TENM4: variants seen among roughly 807,000 people sequenced by gnomAD.
The protein encoded by TENM4 is teneurin-4.
Under a neutral mutation model 243.3 loss-of-function variants are expected in TENM4, and 82 were observed. The ratio of observed to expected loss-of-function variants is 0.34; its 90% CI spans 0.28 to 0.40. The LOEUF (loss-of-function observed/expected upper bound fraction) is 0.40. Ranked by LOEUF, TENM4 falls within the 10% of genes least tolerant of loss-of-function variation. TENM4 has a pLI of 1.00. For synonymous variants in TENM4, 1,412 were observed against 1,456.3 expected (o/e 0.97, Z 0.69); for missense variants, 3,138 against 3,673.3 (o/e 0.85, Z 3.77).
chr11:79,015,075 G>T (rs1056350333), intron 6 of TENM4, among the ~76,000 whole-genome samples: 4 of 152,160 alleles, frequency 2.6e-5, no homozygotes, highest in South Asian at 2.1e-4. Context: ...ATCTCATTAG[G>T]CCATTGGGAA....
chr11:78,729,824 A>C (rs1590974139), intron 21 of TENM4, among the ~76,000 whole-genome samples, 181 bp from the exon 22 acceptor site: 1 of 152,126 alleles, frequency 6.6e-6, no homozygotes, highest in African/African-American at 2.4e-5. Context: ...GAAGAGAAGC[A>C]GGAGGAGGAG....
Position 78,702,330 on chromosome 11 carries a change from A to T in TENM4, c.4283T>A (p.Val1428Glu). 6 of 1,614,058 alleles carry T rather than the reference A, an allele frequency of 3.7e-6. No individual in the cohort carries two copies. Among genetic ancestry groups the T allele is most frequent in the Non-Finnish European group, 5.1e-6 (6 of 1,179,908 alleles). The change falls in exon 28 of 34, where the codon GTG (valine) becomes GAG (glutamate). Residue 1428 changes from valine to glutamate, a missense_variant. Around this residue, in one of 2 missense-constraint regions of TENM4, gnomAD observed 2,467 missense variants for 3,059.1 expected, o/e 0.81. Transcript: ENST00000278550. ...GTGGTTTTCAGAGATTTGCAGGACC[A>T]CATTGTTGTCGAGGACATAAAGTGA... The part of the protein sequence containing the change: ...DNSLYVLDNN[V>E]VLQISENHQV...
intron 4 of TENM4, among the ~76,000 whole-genome samples, chr11:79,116,103 T>C (rs931876558): frequency 6.6e-6 from 1 of 152,184 alleles, no homozygotes; most frequent in African/African-American, 2.4e-5. Context: ...AACAATATAT[T>C]AATTGACACT....
chr11:78,805,509 G>T lies in TENM4; in HGVS notation c.1979-17C>A. 1 of 1,559,962 alleles carries T rather than the reference G, an allele frequency of 6.4e-7. No homozygotes were observed. Among genetic ancestry groups the T allele is most frequent in the South Asian group, 1.2e-5 (1 of 84,746 alleles). ...TGCAGTCCACTGTGAGATGGAGGAA[G>T]GAGAACATAGGTAAGCATCTGACCA... On this transcript the variant is annotated splice_polypyrimidine_tract_variant and intron_variant, in intron 14 of 33. Transcript: ENST00000278550.
intron 6 of TENM4, among the ~76,000 whole-genome samples, chr11:78,977,829 T>G (rs1857698783): frequency 6.6e-6 from 1 of 152,164 alleles, no homozygotes; most frequent in Non-Finnish European, 1.5e-5. Flanking sequence ...AGAAATACCA[T>G]TTGACCCAAC....
chr11:79,331,850 T>G (rs1027285664), intron 1 of TENM4, among the ~76,000 whole-genome samples: 5 of 152,224 alleles, frequency 3.3e-5, no homozygotes, highest in Admixed American at 6.5e-5. Flanking sequence ...TGCTTTGCCA[T>G]GTAATGGCTC....
intron 6 of TENM4, among the ~76,000 whole-genome samples, chr11:78,941,886 C>G (rs1856903943): frequency 6.6e-6 from 1 of 152,078 alleles, no homozygotes; most frequent in South Asian, 2.1e-4. Context: ...GTGCCAGGCA[C>G]TTTTGTACAC....
At chr11:78,664,380 C>T (rs1401110137) in intron 32 of TENM4, among the ~76,000 whole-genome samples, 4 of 152,026 alleles carry the variant, frequency 2.6e-5, no homozygotes, top group African/African-American at 7.3e-5. Context: ...GGACCACAGG[C>T]GTGCCATCAT....
intron 27 of TENM4, among the ~76,000 whole-genome samples, chr11:78,702,801 C>T (rs923277379): frequency 6.6e-6 from 1 of 152,180 alleles, no homozygotes; most frequent in Non-Finnish European, 1.5e-5. Flanking sequence ...CACAGAGTCC[C>T]TGACCCACCA....
chr11:78,901,169 AATATATATG>A lies in TENM4; in HGVS notation c.749+2090_749+2098del, dbSNP rs1565430928. Among the ~76,000 whole-genome samples, 5 of 152,226 alleles carry A rather than the reference AATATATATG, an allele frequency of 3.3e-5. No individual in the cohort carries two copies. In the South Asian group the frequency reaches 1.0e-3, roughly 32 times the overall value. ...ATGCATATACATACACTGAATATTA[AATATATATG>A]ATATATATCACAAATAATGTTATAT... On this transcript the variant is annotated intron_variant, in intron 7 of 33. Transcript: ENST00000278550.
intron 9 of TENM4, among the ~76,000 whole-genome samples, chr11:78,880,237 A>T (rs928929302): frequency 1.6e-4 from 24 of 152,194 alleles, no homozygotes; most frequent in African/African-American, 4.8e-4. Context: ...TGCTTTGTTA[A>T]ACAGATGCTT....
At chr11:78,963,468 C>T (rs1857374211) in intron 6 of TENM4, among the ~76,000 whole-genome samples, 1 of 152,200 alleles carries the variant, frequency 6.6e-6, no homozygotes, top group South Asian at 2.1e-4. Context: ...GCAAGGGCTG[C>T]TCATTTTCTC....
rs1374914035 is a variant in TENM4, at chr11:78,657,972, A to C, written c.*86T>G. ...CTTTTTGTTTCTGCACTTGTTAAAAAATCATTTTTTTAAAAGTACAACACA... is the reference window on the plus strand; with the variant it reads ...CTTTTTGTTTCTGCACTTGTTAAAACATCATTTTTTTAAAAGTACAACACA... On this transcript the variant is annotated 3_prime_UTR_variant, in exon 34 of 34. Coordinates refer to ENST00000278550, the MANE Select transcript of TENM4 (RefSeq NM_001098816.3). 1 of 1,598,592 alleles carries C rather than the reference A, an allele frequency of 6.3e-7. No individual in the cohort carries two copies. The highest frequency in any genetic ancestry group is 8.6e-7 in the Non-Finnish European group (1 of 1,167,526).
chr11:79,011,348 G>T (rs1388641487), intron 6 of TENM4, among the ~76,000 whole-genome samples: 1 of 152,162 alleles, frequency 6.6e-6, no homozygotes, highest in Non-Finnish European at 1.5e-5. Flanking sequence ...TGTCCTTTCA[G>T]GTATCTGCAT....
chr11:78,683,666 C>T (rs1035093482), intron 29 of TENM4, among the ~76,000 whole-genome samples: 4 of 144,210 alleles, frequency 2.8e-5, no homozygotes, highest in African/African-American at 2.6e-5. Context: ...CACTGGCCTG[C>T]GCCCACTGTC....
At chr11:79,399,058 T>C (rs774116475) in intron 1 of TENM4, among the ~76,000 whole-genome samples, 1 of 152,184 alleles carries the variant, frequency 6.6e-6, no homozygotes. Flanking sequence ...GAACAGGATT[T>C]ATTCAGCAGG....
chr11:79,342,995 G>A (rs1857266323), intron 1 of TENM4, among the ~76,000 whole-genome samples: 1 of 152,236 alleles, frequency 6.6e-6, no homozygotes, highest in African/African-American at 2.4e-5. Context: ...TTCTGTGGTG[G>A]CTGGACTGAC....
At chr11:79,392,710 A>C (rs1858261226) in intron 1 of TENM4, among the ~76,000 whole-genome samples, 1 of 152,218 alleles carries the variant, frequency 6.6e-6, no homozygotes. Flanking sequence ...ACTCTGGGCA[A>C]GCTACAGAGC....
intron 21 of TENM4, among the ~76,000 whole-genome samples, chr11:78,731,420 C>T (rs1029096501): frequency 2.6e-5 from 4 of 152,156 alleles, no homozygotes; most frequent in Non-Finnish European, 5.9e-5. Context: ...AGGGTACGCA[C>T]GGAAAGGTGT....
Sources: gnomAD v4.1 joint callset for allele counts (sites outside exome capture counted in the v4.1 genomes callset) on GRCh38, gnomAD v4.1.1 for gene constraint, gnomAD v4.1.1 regional missense constraint, MANE v1.5 for transcripts, NCBI Gene and HGNC (gene_info 2026-07-23, HGNC 2026-07-21) for gene names.